Variants in MYRFL observed in about 807,000 individuals in gnomAD.
MYRFL encodes myelin regulatory factor-like protein.
MYRFL carries 88 observed loss-of-function variants against 109.4 expected under a neutral mutation model. That is an observed-to-expected ratio of 0.80 (90% CI 0.68 to 0.96). MYRFL has a LOEUF of 0.96. MYRFL is among the 40% of genes least tolerant of loss of function. The probability of loss-of-function intolerance (pLI) is 0.00; values close to 1 mark genes in which losing one functional copy is unlikely to be tolerated. For missense variants in MYRFL, 957 were observed against 954.9 expected (o/e 1.00, Z -0.03); for synonymous variants, 324 against 320.9 (o/e 1.01, Z -0.10).
intron 15 of MYRFL, among the ~76,000 whole-genome samples, chr12:69,931,576 A>G (rs118045019): frequency 0.017 from 2,519 of 152,358 alleles, 36 homozygotes; most frequent in South Asian, 0.036. Flanking sequence ...TACCCAATAA[A>G]TTAAACCAAG....
chr12:69,849,270 T>C (rs1195283572), intron 1 of MYRFL, among the ~76,000 whole-genome samples: 1 of 152,254 alleles, frequency 6.6e-6, no homozygotes, highest in African/African-American at 2.4e-5. Flanking sequence ...TTGGAATTGA[T>C]GTTGAATGCC....
intron 19 of MYRFL, among the ~76,000 whole-genome samples, chr12:69,947,501 T>C (rs1171606847): frequency 6.6e-6 from 1 of 152,216 alleles, no homozygotes; most frequent in Non-Finnish European, 1.5e-5. Context: ...TTTTGGAATA[T>C]TGAGCTTCTA....
intron 2 of MYRFL, among the ~76,000 whole-genome samples, chr12:69,872,048 T>C (rs1014401022): frequency 7.3e-6 from 1 of 136,196 alleles, no homozygotes; most frequent in Admixed American, 7.2e-5. Context: ...TAATTTTTGC[T>C]TTGCGTATTT....
intron 19 of MYRFL, among the ~76,000 whole-genome samples, chr12:69,939,159 A>G (rs1392851699): frequency 1.3e-5 from 2 of 152,006 alleles, no homozygotes; most frequent in South Asian, 2.1e-4. Context: ...AAACAAAGCA[A>G]CCAGGAAGCT....
At chr12:69,857,275 C>A (rs955908322) in intron 2 of MYRFL, among the ~76,000 whole-genome samples, 1 of 151,824 alleles carries the variant, frequency 6.6e-6, no homozygotes, top group African/African-American at 2.4e-5. Context: ...TGTACATGAT[C>A]TTTATTACTG....
At chr12:69,927,664 A>G (rs1219637102) in intron 14 of MYRFL, 21 bp from the exon 15 acceptor site, 25 of 1,524,626 alleles carry the variant, frequency 1.6e-5, no homozygotes, top group South Asian at 9.7e-5. Context: ...AATAGTAACC[A>G]ATTTTCTCTC....
intron 1 of MYRFL, among the ~76,000 whole-genome samples, chr12:69,845,821 T>C (rs925246604): frequency 6.6e-6 from 1 of 151,584 alleles, no homozygotes; most frequent in Non-Finnish European, 1.5e-5. Context: ...CCTTGTTATT[T>C]CAGGTTCTAC....
chr12:69,863,703 A>T (rs151179610), intron 2 of MYRFL, among the ~76,000 whole-genome samples: 21 of 152,330 alleles, frequency 1.4e-4, no homozygotes, highest in African/African-American at 4.6e-4. Context: ...GAGAAAAAGT[A>T]GGCTATTACA....
chr12:69,864,352 C>G (rs1026302464), intron 2 of MYRFL, among the ~76,000 whole-genome samples: 3 of 151,004 alleles, frequency 2.0e-5, no homozygotes, highest in African/African-American at 7.3e-5. Flanking sequence ...TCTTTTTTCT[C>G]TCTGTTGGTT....
intron 1 of MYRFL, among the ~76,000 whole-genome samples, chr12:69,841,006 A>G (rs956364017): frequency 6.6e-6 from 1 of 152,230 alleles, no homozygotes; most frequent in African/African-American, 2.4e-5. Context: ...CAGTCTTTTA[A>G]TTCAGTTATT....
intron 4 of MYRFL, among the ~76,000 whole-genome samples, chr12:69,879,885 G>A (rs1355695484): frequency 6.6e-6 from 1 of 152,096 alleles, no homozygotes; most frequent in African/African-American, 2.4e-5. Flanking sequence ...AAGAGTAAAG[G>A]CTATCAAAAA....
intron 13 of MYRFL, among the ~76,000 whole-genome samples, chr12:69,919,029 T>C (rs1184245603): frequency 6.6e-6 from 1 of 152,208 alleles, no homozygotes; most frequent in African/African-American, 2.4e-5. Context: ...CTAGAAGATA[T>C]TCTCTATGAG....
intron 11 of MYRFL, among the ~76,000 whole-genome samples, chr12:69,906,716 C>T (rs143982816): frequency 5.2e-4 from 79 of 152,294 alleles, no homozygotes; most frequent in Non-Finnish European, 4.6e-4. Flanking sequence ...AGGAGCCAAA[C>T]GCAGAAGTTC....
intron 13 of MYRFL, among the ~76,000 whole-genome samples, chr12:69,924,104 G>A (rs1315283453): frequency 6.6e-6 from 1 of 150,564 alleles, no homozygotes; most frequent in Non-Finnish European, 1.5e-5. Flanking sequence ...CAAGAGAATG[G>A]TGTGAACCCG....
At chr12:69,891,687 TTCGTTCG>T (rs1566002897) in intron 7 of MYRFL, among the ~76,000 whole-genome samples, 11 of 123,126 alleles carry the variant, frequency 8.9e-5, no homozygotes, top group African/African-American at 2.8e-4. Context: ...CTTTCTTTCG[TTCGTTCG>T]TTCTTTCTTT....
At position 69,926,668 on chromosome 12, in the gene MYRFL, G is replaced by A; in HGVS notation, c.1700G>A (p.Arg567Lys). The change falls in exon 14 of 25, where the codon AGA becomes AAA. Residue 567 changes from arginine to lysine, a missense_variant. Coordinates refer to ENST00000552032, the MANE Select transcript of MYRFL (RefSeq NM_182530.3). ...ERIEELEIWNRKLARLKRLSS... is the reference protein window; with the variant it reads ...ERIEELEIWNKKLARLKRLSS... ...ATAGAAGAGTTAGAAATATGGAACA[G>A]AAAGCTGGCCCGGCTAAAGCGGCTC... 6.6e-7 allele frequency: 1 copy of A among 1,526,592 alleles called. No individual in the cohort carries two copies. The highest frequency in any genetic ancestry group is 8.8e-7 in the Non-Finnish European group (1 of 1,141,208). The allele number at this position is 1,526,592 out of a possible 1,614,324, so 94.6% of individuals were successfully genotyped here. A position where few individuals can be genotyped will look rare whatever the true frequency, so the allele number is the denominator to read the frequency against.
At chr12:69,831,293 T>G (rs2136313213) in intron 1 of MYRFL, among the ~76,000 whole-genome samples, 1 of 152,266 alleles carries the variant, frequency 6.6e-6, no homozygotes, top group South Asian at 2.1e-4. Flanking sequence ...CTGTGGCTGC[T>G]TTGATGCTGT....
intron 19 of MYRFL, among the ~76,000 whole-genome samples, chr12:69,945,910 C>T (rs1446111649): frequency 3.1e-5 from 4 of 130,846 alleles, no homozygotes; most frequent in Admixed American, 8.6e-5. Context: ...TGGCGTGAAC[C>T]CGGGAGGCGG....
At chr12:69,870,002 A>G (rs1035481624) in intron 2 of MYRFL, among the ~76,000 whole-genome samples, 1 of 152,112 alleles carries the variant, frequency 6.6e-6, no homozygotes, top group Non-Finnish European at 1.5e-5. Context: ...TTCATCCTCC[A>G]AAAGACAAAA....
Sources: gnomAD v4.1 joint callset for allele counts (sites outside exome capture counted in the v4.1 genomes callset) on GRCh38, gnomAD v4.1.1 for gene constraint, MANE v1.5 for transcripts, NCBI Gene and HGNC (gene_info 2026-07-23, HGNC 2026-07-21) for gene names.